The following UBE2E2 variants were observed in gnomAD, a reference collection of about 807,000 sequenced individuals.
The protein encoded by UBE2E2 is ubiquitin-conjugating enzyme E2 E2.
UBE2E2 carries 6 observed loss-of-function variants against 24.7 expected under a neutral mutation model. The observed-to-expected ratio is 0.24, with a 90% CI of 0.13 to 0.48. The LOEUF (loss-of-function observed/expected upper bound fraction) is 0.48. UBE2E2 is among the 20% of genes least tolerant of loss of function. The pLI is 0.99. For synonymous variants in UBE2E2, 104 were observed against 83.6 expected (o/e 1.24, Z -1.33); for missense variants, 169 against 245.0 (o/e 0.69, Z 2.07).
intron 3 of UBE2E2, among the ~76,000 whole-genome samples, chr3:23,329,944 C>T (rs571328351): frequency 1.3e-5 from 2 of 152,290 alleles, no homozygotes; most frequent in Non-Finnish European, 2.9e-5. Context: ...TACAAAGCAT[C>T]CTGCTTCTGC....
intron 3 of UBE2E2, among the ~76,000 whole-genome samples, chr3:23,398,009 G>A (rs1697119806): frequency 6.6e-6 from 1 of 152,032 alleles, no homozygotes; most frequent in South Asian, 2.1e-4. Flanking sequence ...CTATTGTTCA[G>A]TTGAACTCAA....
intron 3 of UBE2E2, among the ~76,000 whole-genome samples, chr3:23,266,559 C>T (rs2125358403): frequency 6.6e-6 from 1 of 152,186 alleles, no homozygotes; most frequent in Non-Finnish European, 1.5e-5. Context: ...ACCTTTCTCT[C>T]TGGCTGCCCT....
intron 4 of UBE2E2, among the ~76,000 whole-genome samples, chr3:23,515,809 A>G (rs936241262): frequency 1.2e-4 from 18 of 151,724 alleles, no homozygotes; most frequent in African/African-American, 3.1e-4. Context: ...GAAAAAAAAA[A>G]AAAAGAAAAG....
chr3:23,468,771 T>G (rs1698974594), intron 3 of UBE2E2, among the ~76,000 whole-genome samples: 1 of 152,204 alleles, frequency 6.6e-6, no homozygotes, highest in Admixed American at 6.5e-5. Flanking sequence ...AATAACTGCA[T>G]GCATCTTCTT....
intron 5 of UBE2E2, among the ~76,000 whole-genome samples, chr3:23,563,419 A>C (rs919511572): frequency 7.9e-5 from 12 of 152,258 alleles, no homozygotes; most frequent in Middle Eastern, 6.8e-3. Context: ...GTTTGATTGC[A>C]CTGTGGTCTG....
chr3:23,216,011 G>A (rs1394975032), intron 2 of UBE2E2, among the ~76,000 whole-genome samples: 2 of 152,106 alleles, frequency 1.3e-5, no homozygotes, highest in East Asian at 1.9e-4. Context: ...AAGAGATCAC[G>A]GAGTTTGTTC....
intron 3 of UBE2E2, among the ~76,000 whole-genome samples, chr3:23,349,047 A>C (rs1445577622): frequency 6.6e-6 from 1 of 152,130 alleles, no homozygotes; most frequent in Non-Finnish European, 1.5e-5. Flanking sequence ...CAAGACTGAA[A>C]TTGGCTTGGT....
chr3:23,360,907 G>A (rs767087222), intron 3 of UBE2E2, among the ~76,000 whole-genome samples: 14 of 149,684 alleles, frequency 9.4e-5, no homozygotes, highest in East Asian at 2.0e-4. Context: ...ACAACCCACC[G>A]AGAGAAAATA....
At chr3:23,377,684 A>G (rs1696554759) in intron 3 of UBE2E2, among the ~76,000 whole-genome samples, 1 of 152,198 alleles carries the variant, frequency 6.6e-6, no homozygotes, top group African/African-American at 2.4e-5. Context: ...TGTTCTCCTT[A>G]AGGGCTGGGT....
chr3:23,425,945 A>G (rs1356488279), intron 3 of UBE2E2, among the ~76,000 whole-genome samples: 2 of 152,178 alleles, frequency 1.3e-5, no homozygotes, highest in African/African-American at 4.8e-5. Context: ...TGAAATTATC[A>G]TATCAGGAAT....
chr3:23,327,098 A>G (rs1392294737), intron 3 of UBE2E2, among the ~76,000 whole-genome samples: 1 of 152,134 alleles, frequency 6.6e-6, no homozygotes, highest in Non-Finnish European at 1.5e-5. Context: ...GTTGGTTCCA[A>G]GTCTTTGCTA....
intron 3 of UBE2E2, among the ~76,000 whole-genome samples, chr3:23,265,998 G>C (rs1161004428): frequency 1.3e-5 from 2 of 152,044 alleles, no homozygotes; most frequent in Non-Finnish European, 2.9e-5. Context: ...CCATTTGCTT[G>C]GTAGATCTTC....
intron 3 of UBE2E2, among the ~76,000 whole-genome samples, chr3:23,266,557 C>T (rs1698055354): frequency 6.6e-6 from 1 of 152,080 alleles, no homozygotes; most frequent in Non-Finnish European, 1.5e-5. Flanking sequence ...TGACCTTTCT[C>T]TCTGGCTGCC....
At chr3:23,496,292 A>G (rs1367820026) in intron 3 of UBE2E2, among the ~76,000 whole-genome samples, 1 of 152,180 alleles carries the variant, frequency 6.6e-6, no homozygotes, top group Non-Finnish European at 1.5e-5. Context: ...TATCTAACAC[A>G]TGGTAGGTGA....
At chr3:23,263,082 A>C (rs1356172290) in intron 3 of UBE2E2, among the ~76,000 whole-genome samples, 5 of 152,172 alleles carry the variant, frequency 3.3e-5, no homozygotes, top group African/African-American at 1.2e-4. Context: ...CTTTTAGGTG[A>C]GAGGTGGAAA....
Position 23,407,093 on chromosome 3 carries a change from C to T in UBE2E2, c.228-92515C>T, listed in dbSNP as rs1697372960. Among the ~76,000 whole-genome samples the T allele has an allele frequency of 6.6e-6, 1 of 152,090 alleles. No individual in the cohort carries two copies. The highest frequency in any genetic ancestry group is 1.5e-5 in the Non-Finnish European group (1 of 68,016). ...AGTATTTTGGAGACAAATTTTTCTT[C>T]AGCTTCACATGTTGAAGATATTCTC... On this transcript the variant is annotated intron_variant, in intron 3 of 5. Coordinates refer to ENST00000396703, the MANE Select transcript of UBE2E2 (RefSeq NM_152653.4). The surrounding 1 kb of genome is among the most constrained non-coding windows in gnomAD (Gnocchi z 4.0).
chr3:23,210,458 A>G (rs1436790964), intron 2 of UBE2E2, among the ~76,000 whole-genome samples: 1 of 152,236 alleles, frequency 6.6e-6, no homozygotes, highest in Non-Finnish European at 1.5e-5. Context: ...TTCTTGGGTG[A>G]TATGTCAAAG....
chr3:23,395,347 G>A (rs1697049493), intron 3 of UBE2E2, among the ~76,000 whole-genome samples: 2 of 152,206 alleles, frequency 1.3e-5, no homozygotes, highest in Non-Finnish European at 2.9e-5. Flanking sequence ...TGAAGGGTAA[G>A]ATGAGAGAAA....
intron 3 of UBE2E2, among the ~76,000 whole-genome samples, chr3:23,322,648 A>T (rs766992560): frequency 7.2e-5 from 11 of 152,036 alleles, no homozygotes; most frequent in Non-Finnish European, 1.6e-4. Context: ...CATCATTTTG[A>T]TGAAGTAATT....
Sources: gnomAD v4.1 joint callset for allele counts (sites outside exome capture counted in the v4.1 genomes callset) on GRCh38, gnomAD v4.1.1 for gene constraint, Gnocchi (gnomAD v3.1) non-coding constraint, MANE v1.5 for transcripts, NCBI Gene and HGNC (gene_info 2026-07-23, HGNC 2026-07-21) for gene names.